AFF3: variants seen among roughly 807,000 people sequenced by gnomAD.
The protein encoded by AFF3 is AF4/FMR2 family member 3.
A neutral mutation model predicts 129.7 loss-of-function variants in AFF3; 32 were observed. The ratio of observed to expected loss-of-function variants is 0.25; its 90% CI spans 0.19 to 0.33. The LOEUF (loss-of-function observed/expected upper bound fraction) is 0.33, where lower values mean the gene tolerates loss of function less well. Ranked by LOEUF, AFF3 falls within the 10% of genes least tolerant of loss-of-function variation. The pLI is 1.00. For synonymous variants in AFF3, 644 were observed against 635.4 expected (o/e 1.01, Z -0.20); for missense variants, 1,373 against 1,592.0 (o/e 0.86, Z 2.34).
intron 4 of AFF3, among the ~76,000 whole-genome samples, chr2:100,038,712 T>A (rs1360923401): frequency 6.6e-6 from 1 of 151,532 alleles, no homozygotes; most frequent in African/African-American, 2.4e-5. Flanking sequence ...GCATATTTAT[T>A]TTCTTCTTCT....
chr2:99,617,073 G>C (rs904718026), intron 13 of AFF3, among the ~76,000 whole-genome samples: 46 of 152,306 alleles, frequency 3.0e-4, no homozygotes, highest in South Asian at 8.3e-4. Flanking sequence ...ATGGACGTCG[G>C]ATTGTTTCCA....
chr2:99,899,890 C>T (rs568062050), intron 7 of AFF3, among the ~76,000 whole-genome samples: 2 of 152,308 alleles, frequency 1.3e-5, no homozygotes, highest in African/African-American at 4.8e-5. Context: ...ATTTTGAAGG[C>T]ACGTCTGGAA....
chr2:99,553,309 C>A (rs75414917), intron 24 of AFF3, among the ~76,000 whole-genome samples: 3,215 of 152,252 alleles, frequency 0.021, 117 homozygotes, highest in African/African-American at 0.073. Context: ...TTTCTCTGGG[C>A]TGCATGTTAT....
At chr2:100,018,032 G>GTATA (rs112153264) in intron 4 of AFF3, among the ~76,000 whole-genome samples, 22,149 of 149,870 alleles carry the variant, frequency 0.15, 1,724 homozygotes, top group South Asian at 0.2. Flanking sequence ...GTGTGTGTGT[G>GTATA]TATATATATA....
At position 99,593,892 on chromosome 2, in the gene AFF3, C is replaced by A. The variant is rs769535841; in HGVS notation, c.1769G>T (p.Arg590Leu). 2.0e-6 allele frequency: 3 copies of A among 1,492,280 alleles called. No homozygotes were observed. In the South Asian group the frequency reaches 4.0e-5, roughly 20 times the overall value. 92.4% of individuals were successfully genotyped at this position (1,492,280 alleles called of 1,614,324 possible). The change falls in exon 15 of 25, where the codon CGC (arginine) becomes CTC (leucine). Residue 590 changes from arginine to leucine, a missense_variant. Transcript: ENST00000672756. ...GTCCCCGGCTGAGGTCCTCTCGGTG[C>A]GCCTGGTGGGCTTCTTGCCCGCGGA... is the stretch of plus-strand genomic sequence containing the variant. ...RRSAGKKPTR[R>L]TERTSAGDGA... is the part of the protein sequence containing the mutation.
intron 20 of AFF3, among the ~76,000 whole-genome samples, chr2:99,561,704 T>C (rs1017201282): frequency 2.0e-5 from 3 of 152,192 alleles, no homozygotes; most frequent in Non-Finnish European, 4.4e-5. Context: ...GTTTCAATCC[T>C]CAAACCTGGT....
chr2:99,778,541 T>G (rs1437794409), intron 8 of AFF3, among the ~76,000 whole-genome samples: 1 of 152,188 alleles, frequency 6.6e-6, no homozygotes, highest in Non-Finnish European at 1.5e-5. Context: ...AGATGCTCTT[T>G]CATGTGAATA....
At chr2:99,983,279 A>C (rs1031529465) in intron 7 of AFF3, among the ~76,000 whole-genome samples, 5 of 152,188 alleles carry the variant, frequency 3.3e-5, no homozygotes, top group Non-Finnish European at 7.3e-5. Context: ...CCTATTCTTC[A>C]TCTAGCCCAT....
At chr2:99,553,918 CAAA>C (rs61326965) in intron 24 of AFF3, among the ~76,000 whole-genome samples, 16 of 56,974 alleles carry the variant, frequency 2.8e-4, no homozygotes, top group African/African-American at 1.0e-3. Flanking sequence ...TGTCTCAAAC[CAAA>C]AAAAAAAAAA....
At chr2:99,569,777 C>T (rs1291521709) in intron 18 of AFF3, among the ~76,000 whole-genome samples, 3 of 152,144 alleles carry the variant, frequency 2.0e-5, no homozygotes, top group African/African-American at 7.2e-5. Flanking sequence ...ATAAACTTGA[C>T]CTATTCATGA....
chr2:99,554,806 A>G, intron 22 of AFF3, 74 bp from the exon 23 acceptor site: 1 of 1,554,912 alleles, frequency 6.4e-7, no homozygotes, highest in Admixed American at 1.7e-5. Context: ...ACGTGTTTTC[A>G]GGTGACTGCA....
At chr2:99,692,783 A>C (rs1357624893) in intron 11 of AFF3, among the ~76,000 whole-genome samples, 2 of 152,178 alleles carry the variant, frequency 1.3e-5, no homozygotes, top group Non-Finnish European at 2.9e-5. Flanking sequence ...TGATGCATTA[A>C]ACTCCTCTGT....
intron 4 of AFF3, among the ~76,000 whole-genome samples, chr2:100,020,038 C>T (rs1457548804): frequency 1.3e-5 from 2 of 152,206 alleles, no homozygotes; most frequent in Admixed American, 1.3e-4. Flanking sequence ...CTTGCCATTA[C>T]ACCTTCTCTT....
At chr2:100,025,804 C>T (rs183362616) in intron 4 of AFF3, among the ~76,000 whole-genome samples, 3 of 152,266 alleles carry the variant, frequency 2.0e-5, no homozygotes, top group African/African-American at 7.2e-5. Context: ...GGGGAAAAGA[C>T]CCCCTTTTCA....
At chr2:100,045,721 A>T (rs1161168471) in intron 4 of AFF3, among the ~76,000 whole-genome samples, 2 of 152,176 alleles carry the variant, frequency 1.3e-5, no homozygotes, top group Non-Finnish European at 2.9e-5. Context: ...GGAAGATGGA[A>T]AGAATGAAGA....
chr2:99,923,630 T>C (rs1357040251), intron 7 of AFF3, among the ~76,000 whole-genome samples: 1 of 152,100 alleles, frequency 6.6e-6, no homozygotes, highest in Non-Finnish European at 1.5e-5. Context: ...AAAGCAACAA[T>C]GGTTGTTCAA....
intron 7 of AFF3, among the ~76,000 whole-genome samples, chr2:99,889,670 T>G (rs2106070619): frequency 6.6e-6 from 1 of 152,142 alleles, no homozygotes; most frequent in East Asian, 1.9e-4. Flanking sequence ...ACTTAAGCTG[T>G]TTTTTTGAGA....
chr2:99,863,229 T>C (rs554199487), intron 7 of AFF3, among the ~76,000 whole-genome samples: 2 of 152,230 alleles, frequency 1.3e-5, no homozygotes, highest in Non-Finnish European at 2.9e-5. Context: ...GCATTGTCTA[T>C]GTAATGGGGA....
intron 7 of AFF3, among the ~76,000 whole-genome samples, chr2:99,894,845 C>T (rs549785371): frequency 6.6e-6 from 1 of 152,248 alleles, no homozygotes; most frequent in South Asian, 2.1e-4. Flanking sequence ...TCACACAGTA[C>T]AAAAGCACAC....
Sources: gnomAD v4.1 joint callset for allele counts (sites outside exome capture counted in the v4.1 genomes callset) on GRCh38, gnomAD v4.1.1 for gene constraint, MANE v1.5 for transcripts, NCBI Gene and HGNC (gene_info 2026-07-23, HGNC 2026-07-21) for gene names.